ANKH: variants seen among roughly 807,000 people sequenced by gnomAD.
ANKH encodes the protein mineralization regulator ANKH.
A neutral mutation model predicts 49.0 loss-of-function variants in ANKH; 15 were observed. That is an observed-to-expected ratio of 0.31 (90% CI 0.20 to 0.47). ANKH has a LOEUF of 0.47. Among genes scored for constraint, ANKH ranks in the 20% least tolerant of loss-of-function variants. The probability of loss-of-function intolerance (pLI) is 1.00; values close to 1 mark genes in which losing one functional copy is unlikely to be tolerated. For missense variants in ANKH, 429 were observed against 652.0 expected, an observed-to-expected ratio of 0.66 and a Z score of 3.72; for synonymous variants, 273 against 260.0, an observed-to-expected ratio of 1.05 and a Z score of -0.48.
At chr5:14,720,226 T>C (rs1178821733) in intron 8 of ANKH, among the ~76,000 whole-genome samples, 4 of 152,230 alleles carry the variant, frequency 2.6e-5, no homozygotes, top group Non-Finnish European at 4.4e-5. Flanking sequence ...TTTTCAAAAA[T>C]GGCAGAGGTA....
intron 8 of ANKH, among the ~76,000 whole-genome samples, chr5:14,729,466 G>A (rs1737926276): frequency 6.6e-6 from 1 of 150,648 alleles, no homozygotes; most frequent in Non-Finnish European, 1.5e-5. Flanking sequence ...GGGATTACAG[G>A]TTGTGCCACC....
At chr5:14,721,010 T>C (rs1737642047) in intron 8 of ANKH, among the ~76,000 whole-genome samples, 1 of 152,220 alleles carries the variant, frequency 6.6e-6, no homozygotes, top group South Asian at 2.1e-4. Context: ...TCCCATCTTG[T>C]AGAAGATCAG....
rs1737116429 is a variant in ANKH at position 14,710,290 on chromosome 5, C to CAA, written c.*905_*906dup. 2 of 152,216 alleles carry CAA rather than the reference C, an allele frequency of 1.3e-5. No homozygotes were observed. The highest frequency in any genetic ancestry group is 2.1e-4 in the South Asian group (1 of 4,834). The allele number at this position is 152,216 out of a possible 1,614,324, so 9.4% of individuals were successfully genotyped here. A position where few individuals can be genotyped will look rare whatever the true frequency, so the allele number is the denominator to read the frequency against. Reference sequence around the variant, plus strand: ...TCAGTTCACTGTAAAAACTAAAATGCAAAGTTAGGATGCTCCATGTGACTC... The same window carrying CAA: ...TCAGTTCACTGTAAAAACTAAAATGCAAAAAGTTAGGATGCTCCATGTGACTC... On this transcript the variant is annotated 3_prime_UTR_variant, in exon 12 of 12. Transcript: ENST00000284268.
chr5:14,727,773 C>A (rs13189930), intron 8 of ANKH, among the ~76,000 whole-genome samples: 41,711 of 151,692 alleles, frequency 0.27, 6,816 homozygotes, highest in African/African-American at 0.47. Context: ...TTTGCAATCC[C>A]GTTATGGGCA....
At position 14,713,003 on chromosome 5, in the gene ANKH, C is replaced by T; in HGVS notation, c.1266-30G>A. ...AGATGAGAACACAAAGGCAATTTGT[C>T]TGTTAAGGCCAAGTCAAGGCACAAC... is the stretch of plus-strand genomic sequence containing the variant. On this transcript the variant is annotated intron_variant, in intron 10 of 11. Transcript: ENST00000284268. This position sits in a 1 kb window ranked among gnomAD's most constrained non-coding sequence, Gnocchi z 4.4. 1 of 1,593,694 alleles carries T rather than the reference C, an allele frequency of 6.3e-7. No individual in the cohort carries two copies. The highest frequency in any genetic ancestry group is 8.6e-7 in the Non-Finnish European group (1 of 1,167,492).
chr5:14,811,722 C>G (rs1740888932), intron 1 of ANKH, among the ~76,000 whole-genome samples: 1 of 152,178 alleles, frequency 6.6e-6, no homozygotes, highest in African/African-American at 2.4e-5. Flanking sequence ...CAAAGAGGAA[C>G]TTTACTGCTT....
At position 14,825,776 on chromosome 5, in the gene ANKH, C is replaced by T. The variant is rs1741321826; in HGVS notation, c.96+45576G>A. Reference sequence around the variant, plus strand: ...GCAGAATCTCTTAAGAAAATAAGTGCCTAATCTTAACGTTGTCCGTGTACA... The same window carrying T: ...GCAGAATCTCTTAAGAAAATAAGTGTCTAATCTTAACGTTGTCCGTGTACA... On this transcript the variant is annotated intron_variant, in intron 1 of 11. Coordinates refer to ENST00000284268, the MANE Select transcript of ANKH (RefSeq NM_054027.6). Among the ~76,000 whole-genome samples, 5 of 152,188 alleles carry T rather than the reference C, an allele frequency of 3.3e-5. 1 individual carries two copies. In the South Asian group the frequency reaches 8.3e-4, roughly 25 times the overall value.
chr5:14,849,293 T>C (rs1350984360), intron 1 of ANKH, among the ~76,000 whole-genome samples: 1 of 152,230 alleles, frequency 6.6e-6, no homozygotes, highest in African/African-American at 2.4e-5. Flanking sequence ...GCCTATTTTT[T>C]GACCACATTC....
chr5:14,717,226 CAAT>C (rs889230952), intron 8 of ANKH: 30 of 273,178 alleles, frequency 1.1e-4, no homozygotes, highest in Non-Finnish European at 3.6e-5. Flanking sequence ...CTTTAACAAG[CAAT>C]AAAAAAAGAC....
intron 2 of ANKH, 106 bp from the exon 3 acceptor site, chr5:14,758,704 T>A: frequency 3.3e-6 from 3 of 922,000 alleles, no homozygotes; most frequent in Non-Finnish European, 3.6e-6. Context: ...TATTTGTTCG[T>A]CATAGAAAAA....
intron 8 of ANKH, among the ~76,000 whole-genome samples, chr5:14,734,826 G>T (rs553028930): frequency 6.6e-6 from 1 of 152,286 alleles, no homozygotes; most frequent in Non-Finnish European, 1.5e-5. Context: ...TTATAATTTT[G>T]TGCCAAATCA....
In ANKH at chr5:14,708,416, T is replaced by C. The variant is rs777763992; in HGVS notation, c.*2781A>G. ...TCACAGGCATGGTAACTTTCTAAAATGCAGCTGTCAGCTGAATGCCCTACA... is the reference window on the plus strand; with the variant it reads ...TCACAGGCATGGTAACTTTCTAAAACGCAGCTGTCAGCTGAATGCCCTACA... On this transcript the variant is annotated 3_prime_UTR_variant, in exon 12 of 12. Transcript: ENST00000284268. 3 of 152,234 alleles carry C rather than the reference T, an allele frequency of 2.0e-5. No homozygotes were observed. Among genetic ancestry groups the C allele is most frequent in the Non-Finnish European group, 4.4e-5 (3 of 68,054 alleles). 9.4% of individuals were successfully genotyped at this position (152,234 alleles called of 1,614,324 possible).
At chr5:14,763,736 C>A (rs561232938) in intron 2 of ANKH, among the ~76,000 whole-genome samples, 25 of 152,292 alleles carry the variant, frequency 1.6e-4, no homozygotes, top group Non-Finnish European at 3.4e-4. Context: ...TGTTTGAATT[C>A]TCAGGATCTA....
chr5:14,832,938 G>A (rs537676098), intron 1 of ANKH, among the ~76,000 whole-genome samples: 3 of 152,298 alleles, frequency 2.0e-5, no homozygotes, highest in Middle Eastern at 3.4e-3. Context: ...CGACCTTCCC[G>A]TGGACAACTA....
chr5:14,804,184 C>T (rs1015616565), intron 1 of ANKH, among the ~76,000 whole-genome samples: 5 of 152,332 alleles, frequency 3.3e-5, no homozygotes, highest in Middle Eastern at 3.4e-3. Context: ...ATGTGAGCCA[C>T]CATGCCCAGC....
chr5:14,722,256 C>A (rs1304956214), intron 8 of ANKH, among the ~76,000 whole-genome samples: 2 of 152,176 alleles, frequency 1.3e-5, no homozygotes, highest in Admixed American at 6.5e-5. Flanking sequence ...GCACACACCC[C>A]TAATAATCTC....
At chr5:14,752,746 C>T (rs1361388071) in intron 4 of ANKH, among the ~76,000 whole-genome samples, 1 of 151,166 alleles carries the variant, frequency 6.6e-6, no homozygotes, top group Non-Finnish European at 1.5e-5. Flanking sequence ...GGGTAGTCAA[C>T]AGAGCAAAGA....
At chr5:14,862,635 C>T (rs1039667916) in intron 1 of ANKH, among the ~76,000 whole-genome samples, 1 of 152,196 alleles carries the variant, frequency 6.6e-6, no homozygotes, top group Non-Finnish European at 1.5e-5. Flanking sequence ...TTCATGTCCA[C>T]AGACTTACTG....
chr5:14,744,183 C>G (rs4702046), intron 7 of ANKH, among the ~76,000 whole-genome samples: 8,535 of 152,310 alleles, frequency 0.056, 326 homozygotes, highest in East Asian at 0.13. Context: ...CAGCAAGTGA[C>G]TCATGCCTTC....
Sources: gnomAD v4.1 joint callset for allele counts (sites outside exome capture counted in the v4.1 genomes callset) on GRCh38, gnomAD v4.1.1 for gene constraint, Gnocchi (gnomAD v3.1) non-coding constraint, MANE v1.5 for transcripts, NCBI Gene and HGNC (gene_info 2026-07-23, HGNC 2026-07-21) for gene names.